KCTD14: variants seen among roughly 807,000 people sequenced by gnomAD.
KCTD14 encodes BTB/POZ domain-containing protein KCTD14.
In KCTD14, 7 loss-of-function variants were observed where a neutral mutation model predicts 5.9. The ratio of observed to expected loss-of-function variants is 1.19; its 90% CI spans 0.68 to 2.23. The LOEUF is 2.23. KCTD14 is among the 30% of genes most tolerant of loss of function. The pLI is 0.00. For synonymous variants in KCTD14, 140 were observed against 133.1 expected (o/e 1.05, Z -0.36); for missense variants, 342 against 332.2 (o/e 1.03, Z -0.23).
intron 1 of KCTD14, among the ~76,000 whole-genome samples, chr11:78,039,068 C>CA (rs34453594): frequency 0.55 from 62,715 of 114,514 alleles, 15,490 homozygotes; most frequent in South Asian, 0.65. Flanking sequence ...CTTTAGATTA[C>CA]AAAAAAAAAA....
At chr11:78,021,113 G>T (rs1323773233) in intron 1 of KCTD14, among the ~76,000 whole-genome samples, 1 of 151,848 alleles carries the variant, frequency 6.6e-6, no homozygotes. Flanking sequence ...GACTAGCCTG[G>T]ACAACATGGC....
intron 2 of KCTD14, among the ~76,000 whole-genome samples, chr11:78,035,581 CG>C (rs1220396150): frequency 2.0e-5 from 3 of 152,064 alleles, no homozygotes; most frequent in Non-Finnish European, 4.4e-5. Context: ...CGGTGGCTCA[CG>C]CCTGTAATCC....
At chr11:78,021,368 A>G in intron 1 of KCTD14, among the ~76,000 whole-genome samples, 1 of 151,248 alleles carries the variant, frequency 6.6e-6, no homozygotes, top group Non-Finnish European at 1.5e-5. Context: ...TTTCTTTATC[A>G]AACAAGACCT....
intron 1 of KCTD14, among the ~76,000 whole-genome samples, chr11:78,022,043 G>C (rs553999162): frequency 1.3e-5 from 2 of 152,272 alleles, no homozygotes; most frequent in African/African-American, 4.8e-5. Context: ...TGTGATCCCA[G>C]AAAGTCCTAC....
chr11:78,034,446 T>C (rs57718238), intron 2 of KCTD14, among the ~76,000 whole-genome samples: 404 of 152,182 alleles, frequency 2.7e-3, no homozygotes, highest in African/African-American at 9.4e-3. Flanking sequence ...TATTTTATAC[T>C]GTCTTAATCT....
intron 1 of KCTD14, among the ~76,000 whole-genome samples, chr11:78,041,827 C>T (rs1591197619): frequency 6.6e-6 from 1 of 152,270 alleles, no homozygotes; most frequent in African/African-American, 2.4e-5. Flanking sequence ...GCCATTGTTC[C>T]TGCACAGCTA....
chr11:78,017,535 C>T (rs1369639989), intron 1 of KCTD14, among the ~76,000 whole-genome samples: 1 of 151,498 alleles, frequency 6.6e-6, no homozygotes, highest in Non-Finnish European at 1.5e-5. Context: ...GCAACTTCCA[C>T]CTCGATTAAA....
intron 1 of KCTD14, among the ~76,000 whole-genome samples, chr11:78,039,784 T>C (rs1469368637): frequency 1.3e-5 from 2 of 151,894 alleles, no homozygotes; most frequent in Non-Finnish European, 2.9e-5. Context: ...TTCCACCTGG[T>C]ATCGTGACGA....
At chr11:78,038,482 C>T (rs1013938257) in intron 2 of KCTD14, among the ~76,000 whole-genome samples, 3 of 152,232 alleles carry the variant, frequency 2.0e-5, no homozygotes, top group Non-Finnish European at 2.9e-5. Flanking sequence ...GACCCAGGAC[C>T]TCTCCCAACT....
chr11:78,022,558 T>C (rs1591178626), intron 1 of KCTD14, among the ~76,000 whole-genome samples: 1 of 152,070 alleles, frequency 6.6e-6, no homozygotes, highest in Non-Finnish European at 1.5e-5. Flanking sequence ...TCAGGATGAC[T>C]CTCAGTGCAG....
intron 2 of KCTD14, among the ~76,000 whole-genome samples, chr11:78,037,561 T>C (rs1245577710): frequency 4.6e-5 from 7 of 152,182 alleles, no homozygotes; most frequent in South Asian, 2.1e-4. Context: ...GACCTTTTCC[T>C]ACCTCCTCCC....
chr11:78,018,953 T>G (rs1348796010), intron 1 of KCTD14, among the ~76,000 whole-genome samples: 1 of 152,162 alleles, frequency 6.6e-6, no homozygotes, highest in African/African-American at 2.4e-5. Context: ...ACATTCTTAT[T>G]TCATATAGAT....
In KCTD14 at chr11:78,045,610, C is replaced by G. The variant is rs1247884881; in HGVS notation, c.-96+451G>C. 2.6e-5 allele frequency among the ~76,000 whole-genome samples: 4 copies of G among 152,260 alleles called. 1 individual carries two copies. In the East Asian group the frequency reaches 7.7e-4, roughly 29 times the overall value. On this transcript the variant is annotated intron_variant, in intron 1 of 2. Transcript: ENST00000533144. ...AAATGTCTTCCAAAGTTAGCTTGGCCTAAACCCAGGAGTGACCAAAGGCAG... is the reference window on the plus strand; with the variant it reads ...AAATGTCTTCCAAAGTTAGCTTGGCGTAAACCCAGGAGTGACCAAAGGCAG...
chr11:78,023,133 CG>C, intron 1 of KCTD14, 26 bp downstream of exon 1: 1 of 1,446,792 alleles, frequency 6.9e-7, no homozygotes. Context: ...GACAGAGGCG[CG>C]GGGACGCAGC....
chr11:78,023,506 C>T, upstream of KCTD14: 1 of 461,794 alleles, frequency 2.2e-6, no homozygotes. Flanking sequence ...CCTTCCTTTT[C>T]TTTCTTTCTT....
At chr11:78,021,416 T>C (rs1812497389) in intron 1 of KCTD14, among the ~76,000 whole-genome samples, 3 of 151,936 alleles carry the variant, frequency 2.0e-5, no homozygotes, top group Admixed American at 2.0e-4. Context: ...TTTTTGTTTT[T>C]GTTTGCTTGT....
intron 1 of KCTD14, among the ~76,000 whole-genome samples, chr11:78,018,213 T>C (rs1362765573): frequency 2.0e-5 from 3 of 152,130 alleles, no homozygotes; most frequent in Admixed American, 2.0e-4. Flanking sequence ...GCAAGCCTTT[T>C]TCCCTCTTAC....
At chr11:78,025,499 T>C (rs1857442735), upstream of KCTD14, among the ~76,000 whole-genome samples, 1 of 152,096 alleles carries the variant, frequency 6.6e-6, no homozygotes, top group South Asian at 2.1e-4. Flanking sequence ...GATCAATACT[T>C]TGTGTCCTTC....
At chr11:78,019,302 C>A (rs572020654) in intron 1 of KCTD14, among the ~76,000 whole-genome samples, 1 of 152,142 alleles carries the variant, frequency 6.6e-6, no homozygotes, top group African/African-American at 2.4e-5. Flanking sequence ...GCGTGAGCCA[C>A]AGCCCCGGCC....
Sources: allele counts gnomAD v4.1 joint callset (sites outside exome capture counted in the v4.1 genomes callset), GRCh38; gene constraint gnomAD v4.1.1; transcripts MANE v1.5; gene names NCBI Gene and HGNC (gene_info 2026-07-23, HGNC 2026-07-21).